PCDHGA11: variants seen among roughly 807,000 people sequenced by gnomAD.
PCDHGA11 encodes the protein protocadherin gamma-A11.
In PCDHGA11, 39 loss-of-function variants were observed where a neutral mutation model predicts 60.4. That is an observed-to-expected ratio of 0.65 (90% CI 0.50 to 0.84). PCDHGA11 has a LOEUF of 0.84. Among genes scored for constraint, PCDHGA11 ranks in the 40% least tolerant of loss-of-function variants. PCDHGA11 has a pLI of 0.00. For missense variants in PCDHGA11, 1,165 were observed against 1,197.7 expected (o/e 0.97, Z 0.40); for synonymous variants, 533 against 510.3 (o/e 1.04, Z -0.60).
chr5:141,434,481 A>G (rs2097697198), intron 1 of PCDHGA11, among the ~76,000 whole-genome samples: 1 of 152,246 alleles, frequency 6.6e-6, no homozygotes, highest in Non-Finnish European at 1.5e-5. Context: ...GGCAAGGAAC[A>G]CCTGGCCCGC....
At chr5:141,427,958 G>A (rs1266312663) in intron 1 of PCDHGA11, 3 of 1,588,290 alleles carry the variant, frequency 1.9e-6, no homozygotes, top group Admixed American at 1.7e-5. Context: ...ACAATGTGCC[G>A]CGGGTGCTGT....
intron 2 of PCDHGA11, among the ~76,000 whole-genome samples, chr5:141,504,351 G>C (rs77439649): frequency 0.021 from 3,233 of 152,120 alleles, 109 homozygotes; most frequent in African/African-American, 0.075. Context: ...CTTTGTGCTA[G>C]GTGCTTCAGT....
At chr5:141,433,060 C>T in intron 1 of PCDHGA11, 1 of 1,614,198 alleles carries the variant, frequency 6.2e-7, no homozygotes, top group Non-Finnish European at 8.5e-7. Flanking sequence ...GGAAGAGTCA[C>T]CTGATCTTCC....
chr5:141,433,236 C>G, intron 1 of PCDHGA11: 2 of 1,501,160 alleles, frequency 1.3e-6, no homozygotes, highest in South Asian at 1.3e-5. Flanking sequence ...CTCTGTCTCC[C>G]AAGCTGGAAT....
intron 1 of PCDHGA11, among the ~76,000 whole-genome samples, chr5:141,461,958 G>C (rs1048690044): frequency 4.5e-4 from 69 of 152,272 alleles, no homozygotes; most frequent in Non-Finnish European, 2.9e-4. Context: ...TGAGTAGCTG[G>C]GATTCCAGGC....
intron 1 of PCDHGA11, among the ~76,000 whole-genome samples, chr5:141,456,902 G>A (rs886945444): frequency 6.6e-6 from 1 of 152,294 alleles, no homozygotes; most frequent in South Asian, 2.1e-4. Flanking sequence ...GGCAGAGGTT[G>A]CAGTGAGCCG....
intron 2 of PCDHGA11, among the ~76,000 whole-genome samples, chr5:141,504,869 C>T (rs919109041): frequency 6.6e-6 from 1 of 152,134 alleles, no homozygotes; most frequent in Admixed American, 6.5e-5. Flanking sequence ...CCCACCTTCA[C>T]AGTCCTCTGG....
Position 141,477,964 on chromosome 5 carries a change from G to T in PCDHGA11, c.2434-16843G>T, listed in dbSNP as rs2099426491. On this transcript the variant is annotated intron_variant, in intron 1 of 3. Coordinates refer to ENST00000398587, the MANE Select transcript of PCDHGA11 (RefSeq NM_018914.3). The surrounding 1 kb of genome is among the most constrained non-coding windows in gnomAD (Gnocchi z 4.9). Reference sequence around the variant, plus strand: ...ACAGTCTCTTGGGATCCCCTAACCAGAGCCTTTTTGCCATAGGGCTGCACA... The same window carrying T: ...ACAGTCTCTTGGGATCCCCTAACCATAGCCTTTTTGCCATAGGGCTGCACA... 6.2e-7 allele frequency: 1 copy of T among 1,613,978 alleles called. No homozygotes were observed. The highest frequency in any genetic ancestry group is 1.1e-5 in the South Asian group (1 of 91,080).
intron 1 of PCDHGA11, among the ~76,000 whole-genome samples, chr5:141,475,520 C>T (rs2099364531): frequency 6.6e-6 from 1 of 152,204 alleles, no homozygotes; most frequent in Non-Finnish European, 1.5e-5. Context: ...CACGGAAATG[C>T]TAAATGCCTC....
intron 1 of PCDHGA11, among the ~76,000 whole-genome samples, chr5:141,446,150 A>G (rs754792549): frequency 6.6e-6 from 1 of 152,216 alleles, no homozygotes; most frequent in Non-Finnish European, 1.5e-5. Flanking sequence ...GAATAGGTGG[A>G]ATATAAATTT....
intron 1 of PCDHGA11, chr5:141,430,495 T>C: frequency 3.4e-6 from 1 of 293,400 alleles, no homozygotes; most frequent in Non-Finnish European, 6.2e-6. Context: ...GAAATATCCT[T>C]TCTGGGAGTT....
intron 1 of PCDHGA11, among the ~76,000 whole-genome samples, chr5:141,460,104 T>C (rs2098982178): frequency 6.6e-6 from 1 of 151,986 alleles, no homozygotes; most frequent in African/African-American, 2.4e-5. Flanking sequence ...CATGTAATTA[T>C]ATATGATTTT....
At chr5:141,428,312 C>A in intron 1 of PCDHGA11, 1 of 671,484 alleles carries the variant, frequency 1.5e-6, no homozygotes, top group Non-Finnish European at 2.7e-6. Flanking sequence ...CTGGTCGTGG[C>A]CTTGGCCTTG....
rs1456770985 is a variant in PCDHGA11 at position 141,422,347 on chromosome 5, G to A, written c.1120G>A (p.Asp374Asn). ...AGTGATTGCTCTTCTAAATGTGCAA[G>A]ATCAAGATTCTGGAGAAAATGGTCA... ...GTVIALLNVQ[D>N]QDSGENGQVS... The change falls in exon 1 of 4, where the codon GAT (aspartate) becomes AAT (asparagine). Residue 374 changes from aspartate (D) to asparagine (N), a missense_variant. Transcript: ENST00000398587. The A allele has an allele frequency of 3.9e-6, 6 of 1,553,980 alleles. No homozygotes were observed. The highest frequency in any genetic ancestry group is 5.2e-6 in the Non-Finnish European group (6 of 1,155,528).
Position 141,487,278 on chromosome 5 carries a change from T to G in PCDHGA11, c.2434-7529T>G. 6 of 1,614,180 alleles carry G rather than the reference T, an allele frequency of 3.7e-6. No individual in the cohort carries two copies. Among genetic ancestry groups the G allele is most frequent in the Non-Finnish European group, 5.1e-6 (6 of 1,180,040 alleles). On this transcript the variant is annotated intron_variant, in intron 1 of 3. Coordinates refer to ENST00000398587, the MANE Select transcript of PCDHGA11 (RefSeq NM_018914.3). The surrounding 1 kb of genome is among the most constrained non-coding windows in gnomAD (Gnocchi z 5.0). Reference sequence around the variant, plus strand: ...GCTGTGTCCCTAGTGGCAATTTGCTTTGTCTCCTTTGGCTCATTCGTGGCA... The same window carrying G: ...GCTGTGTCCCTAGTGGCAATTTGCTGTGTCTCCTTTGGCTCATTCGTGGCA...
At chr5:141,456,051 C>T (rs1592410743) in intron 1 of PCDHGA11, among the ~76,000 whole-genome samples, 1 of 151,998 alleles carries the variant, frequency 6.6e-6, no homozygotes, top group Non-Finnish European at 1.5e-5. Context: ...GCGCCCACCA[C>T]CACGTCCGGC....
Position 141,476,278 on chromosome 5 carries a change from T to C in PCDHGA11, c.2434-18529T>C, listed in dbSNP as rs746655724. On this transcript the variant is annotated intron_variant, in intron 1 of 3. Transcript: ENST00000398587. The surrounding 1 kb of genome is among the most constrained non-coding windows in gnomAD (Gnocchi z 7.6). ...CTGTGGGCAACGTGGTCGCGAACCTTGGTTTGGATCTCGGTAGCCTCTCAG... is the reference window on the plus strand; with the variant it reads ...CTGTGGGCAACGTGGTCGCGAACCTCGGTTTGGATCTCGGTAGCCTCTCAG... The C allele has an allele frequency of 3.2e-5, 52 of 1,613,758 alleles. No homozygotes were observed. Among genetic ancestry groups the C allele is most frequent in the Non-Finnish European group, 4.2e-5 (49 of 1,179,958 alleles).
chr5:141,501,299 AC>A (rs1446641380), intron 2 of PCDHGA11, among the ~76,000 whole-genome samples: 1 of 149,208 alleles, frequency 6.7e-6, no homozygotes, highest in African/African-American at 2.5e-5. Flanking sequence ...ATACACACAC[AC>A]ACACACACAC....
chr5:141,495,028 G>C, intron 2 of PCDHGA11, 163 bp downstream of exon 2: 3 of 966,196 alleles, frequency 3.1e-6, no homozygotes, highest in Non-Finnish European at 3.7e-6. Flanking sequence ...CACAGACCCC[G>C]GAAGGAAGAG....
Sources: allele counts gnomAD v4.1 joint callset (sites outside exome capture counted in the v4.1 genomes callset), GRCh38; gene constraint gnomAD v4.1.1; non-coding constraint Gnocchi (gnomAD v3.1); transcripts MANE v1.5; gene names NCBI Gene and HGNC (gene_info 2026-07-23, HGNC 2026-07-21).